Variants in PPP1R21 observed in about 807,000 individuals in gnomAD.
PPP1R21 encodes the protein KLRAQ motif containing 1.
A neutral mutation model predicts 112.8 loss-of-function variants in PPP1R21; 85 were observed. The observed-to-expected ratio is 0.75, with a 90% CI of 0.63 to 0.90. The LOEUF (loss-of-function observed/expected upper bound fraction) is 0.90. Among genes scored for constraint, PPP1R21 ranks in the 40% least tolerant of loss-of-function variants. The pLI is 0.00. For synonymous variants in PPP1R21, 381 were observed against 322.3 expected (o/e 1.18, Z -1.95); for missense variants, 1,199 against 901.5 (o/e 1.33, Z -4.23).
chr2:48,511,072 T>A (rs1670615285), intron 20 of PPP1R21, among the ~76,000 whole-genome samples: 1 of 152,098 alleles, frequency 6.6e-6, no homozygotes, highest in Non-Finnish European at 1.5e-5. Context: ...TGTACATGTT[T>A]GGGGGGGACA....
intron 9 of PPP1R21, among the ~76,000 whole-genome samples, chr2:48,468,252 T>C (rs1223378237): frequency 6.6e-6 from 1 of 152,230 alleles, no homozygotes; most frequent in Non-Finnish European, 1.5e-5. Flanking sequence ...GTGCGTGGCA[T>C]GTAATACTAG....
intron 5 of PPP1R21, 77 bp from the exon 6 acceptor site, chr2:48,460,018 C>A (rs1572841367): frequency 6.3e-7 from 1 of 1,591,760 alleles, no homozygotes; most frequent in South Asian, 1.1e-5. Flanking sequence ...GAGACTTTTG[C>A]CTGCAGGGTC....
chr2:48,507,749 CTTTTTTTTTTTTTTTT>C (rs34546075), intron 19 of PPP1R21, among the ~76,000 whole-genome samples: 21 of 42,404 alleles, frequency 5.0e-4, no homozygotes, highest in South Asian at 1.4e-3. Context: ...GAGGCTCTGC[CTTTTTTTTTTTTTTTT>C]TTTTTTTTTT....
intron 18 of PPP1R21, 59 bp from the exon 19 acceptor site, chr2:48,507,208 TTC>T: frequency 1.2e-5 from 16 of 1,384,846 alleles, no homozygotes; most frequent in Admixed American, 6.6e-5. Flanking sequence ...TTTTTTTTTT[TTC>T]TAGAAATGCT....
chr2:48,444,461 C>A (rs1422597438), intron 1 of PPP1R21, among the ~76,000 whole-genome samples: 1 of 152,350 alleles, frequency 6.6e-6, no homozygotes, highest in African/African-American at 2.4e-5. Context: ...TTCTGATGCT[C>A]TGTTGTATCT....
chr2:48,501,251 G>C (rs1337208535), intron 17 of PPP1R21, among the ~76,000 whole-genome samples: 1 of 152,148 alleles, frequency 6.6e-6, no homozygotes, highest in East Asian at 1.9e-4. Context: ...TTTTCCTTCA[G>C]TGTCTGTCTC....
chr2:48,484,473 ACT>A (rs757582286), intron 13 of PPP1R21, among the ~76,000 whole-genome samples: 4 of 151,446 alleles, frequency 2.6e-5, no homozygotes, highest in African/African-American at 7.3e-5. Context: ...GTCAAGAAAC[ACT>A]CTAAATAATT....
intron 21 of PPP1R21, among the ~76,000 whole-genome samples, chr2:48,512,184 C>T (rs1269860828): frequency 6.6e-6 from 1 of 151,644 alleles, no homozygotes; most frequent in Non-Finnish European, 1.5e-5. Flanking sequence ...ATGTCTTACC[C>T]TTTTAACTAG....
chr2:48,460,188 AG>A, intron 6 of PPP1R21, 35 bp downstream of exon 6: 1 of 1,604,762 alleles, frequency 6.2e-7, no homozygotes. Flanking sequence ...AGGGTTCTGA[AG>A]CAAGACTCAG....
chr2:48,501,478 G>A (rs1423510451), intron 17 of PPP1R21, among the ~76,000 whole-genome samples: 2 of 152,214 alleles, frequency 1.3e-5, no homozygotes, highest in Non-Finnish European at 2.9e-5. Context: ...ACACAGGATT[G>A]TAGGTACTGT....
intron 9 of PPP1R21, among the ~76,000 whole-genome samples, chr2:48,470,431 T>C (rs1182533117): frequency 6.6e-6 from 1 of 151,612 alleles, no homozygotes; most frequent in Admixed American, 6.6e-5. Context: ...GGCAGGAGAA[T>C]TGCTTGAGAA....
At chr2:48,449,559 C>G (rs1243791749) in intron 1 of PPP1R21, among the ~76,000 whole-genome samples, 1 of 152,104 alleles carries the variant, frequency 6.6e-6, no homozygotes. Context: ...GTTGAATATC[C>G]TGCAGTATTC....
At chr2:48,457,373 G>A (rs939163610) in intron 3 of PPP1R21, among the ~76,000 whole-genome samples, 1 of 152,124 alleles carries the variant, frequency 6.6e-6, no homozygotes, top group Non-Finnish European at 1.5e-5. Flanking sequence ...TAGTAGGTGA[G>A]TTCATTTTAA....
At chr2:48,455,103 G>A (rs1329112231) in intron 3 of PPP1R21, among the ~76,000 whole-genome samples, 2 of 150,680 alleles carry the variant, frequency 1.3e-5, no homozygotes, top group Non-Finnish European at 2.9e-5. Flanking sequence ...CTCCCAAAGT[G>A]CTATGATTAC....
At chr2:48,452,876 C>A (rs78436791) in intron 2 of PPP1R21, among the ~76,000 whole-genome samples, 11,328 of 151,920 alleles carry the variant, frequency 0.075, 597 homozygotes, top group Non-Finnish European at 0.12. Flanking sequence ...ATTGTTCTAT[C>A]CCTCTAGCAC....
At chr2:48,473,711 A>G (rs1424327666) in intron 11 of PPP1R21, among the ~76,000 whole-genome samples, 2 of 152,138 alleles carry the variant, frequency 1.3e-5, no homozygotes, top group Non-Finnish European at 2.9e-5. Flanking sequence ...GGAAATGATT[A>G]TGATTCCTAT....
At chr2:48,491,255 ATTG>A (rs1669550518) in intron 15 of PPP1R21, 85 bp downstream of exon 15, 2 of 1,438,040 alleles carry the variant, frequency 1.4e-6, no homozygotes, top group Non-Finnish European at 1.9e-6. Context: ...TGCAGTTTAT[ATTG>A]TTGACTTTTT....
At chr2:48,492,699 G>A (rs976321196) in intron 15 of PPP1R21, among the ~76,000 whole-genome samples, 1 of 152,162 alleles carries the variant, frequency 6.6e-6, no homozygotes, top group Non-Finnish European at 1.5e-5. Context: ...TTCAAAATGG[G>A]CACTCTGAAG....
At chr2:48,463,791 A>AG (rs976391773) in intron 7 of PPP1R21, among the ~76,000 whole-genome samples, 2 of 151,826 alleles carry the variant, frequency 1.3e-5, no homozygotes, top group African/African-American at 4.8e-5. Flanking sequence ...GAGGACGGTT[A>AG]GCTGAGGAAA....
Sources: gnomAD v4.1 joint callset for allele counts (sites outside exome capture counted in the v4.1 genomes callset) on GRCh38, gnomAD v4.1.1 for gene constraint, MANE v1.5 for transcripts, NCBI Gene and HGNC (gene_info 2026-07-23, HGNC 2026-07-21) for gene names.